SPTAN1: variants seen among roughly 807,000 people sequenced by gnomAD.
The protein encoded by SPTAN1 is spectrin alpha chain, non-erythrocytic 1.
A neutral mutation model predicts 331.3 loss-of-function variants in SPTAN1; 61 were observed. That is an observed-to-expected ratio of 0.18 (90% CI 0.15 to 0.23). The LOEUF (loss-of-function observed/expected upper bound fraction) is 0.23, where lower values mean the gene tolerates loss of function less well. Among genes scored for constraint, SPTAN1 ranks in the 10% least tolerant of loss-of-function variants. The pLI, the probability that SPTAN1 is intolerant of heterozygous loss-of-function variation, is 1.00. For synonymous variants in SPTAN1, 1,153 were observed against 1,173.9 expected (o/e 0.98, Z 0.36); for missense variants, 2,043 against 3,147.9 (o/e 0.65, Z 8.40).
intron 1 of SPTAN1, among the ~76,000 whole-genome samples, chr9:128,559,885 C>T (rs1436895839): frequency 6.6e-6 from 1 of 151,228 alleles, no homozygotes; most frequent in Non-Finnish European, 1.5e-5. Flanking sequence ...CAGGCGTGCG[C>T]CACTATGCTT....
chr9:128,568,066 C>A (rs1020099128), intron 2 of SPTAN1, among the ~76,000 whole-genome samples: 11 of 146,716 alleles, frequency 7.5e-5, no homozygotes, highest in African/African-American at 3.0e-4. Context: ...TCGGCCAAAA[C>A]TTTTTTTATA....
intron 13 of SPTAN1, 41 bp downstream of exon 13, chr9:128,582,597 T>C (rs760607569): frequency 2.5e-6 from 4 of 1,611,906 alleles, no homozygotes; most frequent in Admixed American, 1.7e-5. Flanking sequence ...TTTTGGTACA[T>C]GAATGTCTCT....
At chr9:128,613,232 G>C in intron 39 of SPTAN1, 149 bp from the exon 40 acceptor site, 1 of 715,362 alleles carries the variant, frequency 1.4e-6, no homozygotes, top group Non-Finnish European at 2.6e-6. Context: ...GCTGATTGGG[G>C]TGGCTAGGAA....
At chr9:128,594,891 C>T (rs567092577) in intron 24 of SPTAN1, among the ~76,000 whole-genome samples, 5 of 133,226 alleles carry the variant, frequency 3.8e-5, no homozygotes, top group East Asian at 2.3e-4. Flanking sequence ...TGCAATGGTG[C>T]GATCTCGGCT....
chr9:128,627,647 T>C lies in SPTAN1; in HGVS notation c.6689+149T>C. 1.1e-6 allele frequency: 1 copy of C among 877,762 alleles called. No individual in the cohort carries two copies. Among genetic ancestry groups the C allele is most frequent in the South Asian group, 1.4e-5 (1 of 69,160 alleles). The allele number at this position is 877,762 out of a possible 1,614,324, so 54.4% of individuals were successfully genotyped here. ...CTGGGCTGGCAACGCCTGGTCGGGCTCTGGAGCCGGGAGTGGGGGCATAGG... is the reference window on the plus strand; with the variant it reads ...CTGGGCTGGCAACGCCTGGTCGGGCCCTGGAGCCGGGAGTGGGGGCATAGG... On this transcript the variant is annotated intron_variant, in intron 50 of 56. Coordinates refer to ENST00000372739, the MANE Select transcript of SPTAN1 (RefSeq NM_001130438.3). The surrounding 1 kb of genome is among the most constrained non-coding windows in gnomAD (Gnocchi z 4.9).
Position 128,561,998 on chromosome 9 carries a change from A to T in SPTAN1, c.-3-4740A>T, listed in dbSNP as rs542891929. ...GGAGAACACAATAATTTCATGGCAG[A>T]ATGTGGCAGTGTTATAAGATGAATG... On this transcript the variant is annotated intron_variant, in intron 1 of 56. Coordinates refer to ENST00000372739, the MANE Select transcript of SPTAN1 (RefSeq NM_001130438.3). Among the ~76,000 whole-genome samples, 12 of 152,268 alleles carry T rather than the reference A, an allele frequency of 7.9e-5. No homozygotes were observed. In the South Asian group the frequency reaches 2.5e-3, roughly 32 times the overall value.
chr9:128,555,480 G>T (rs1320707377), intron 1 of SPTAN1: 2 of 1,145,282 alleles, frequency 1.7e-6, no homozygotes, highest in Non-Finnish European at 2.3e-6. Flanking sequence ...TGTCAAAGAG[G>T]TTGAATGATC....
At position 128,613,318 on chromosome 9, in the gene SPTAN1, A is replaced by G. The variant is rs531007000; in HGVS notation, c.5044-63A>G. On this transcript the variant is annotated intron_variant, in intron 39 of 56. Transcript: ENST00000372739. ...CTGGAATAGCCACTGGGCAACCTGA[A>G]TTTTCCAGAATGCTGAGTATACACC... 44 of 1,448,732 alleles carry G rather than the reference A, an allele frequency of 3.0e-5. No homozygotes were observed. The African/African-American group carries it at 5.0e-4, about 17-fold the overall frequency. The allele number at this position is 1,448,732 out of a possible 1,614,324, so 89.7% of individuals were successfully genotyped here.
At chr9:128,578,059 C>T (rs1305574106) in intron 8 of SPTAN1, 51 bp from the exon 9 acceptor site, 1 of 1,612,334 alleles carries the variant, frequency 6.2e-7, no homozygotes, top group South Asian at 1.1e-5. Context: ...GGCCATTTTC[C>T]ACCCTGGAAC....
At position 128,626,456 on chromosome 9, in the gene SPTAN1, A is replaced by G. The variant is rs1858761394; in HGVS notation, c.6345A>G (p.Ala2115=). Residue 2115 remains alanine, a synonymous_variant, in exon 49 of 57, where the codon GCA becomes GCG. Transcript: ENST00000372739. ...CCTTCAACAGCTGGTTTGAAAATGC[A>G]GAGGAGGACTTAACAGACCCCGTGC... is the stretch of plus-strand genomic sequence containing the variant. ...ASAFNSWFEN[A]EEDLTDPVRC... 2 of 1,614,206 alleles carry G rather than the reference A, an allele frequency of 1.2e-6. No individual in the cohort carries two copies. The highest frequency in any genetic ancestry group is 2.7e-5 in the African/African-American group (2 of 75,052).
Position 128,608,962 on chromosome 9 carries a change from A to G in SPTAN1, c.4580A>G (p.Asn1527Ser), listed in dbSNP as rs145038571. 843 of 1,614,182 alleles carry G rather than the reference A, an allele frequency of 5.2e-4. No homozygotes were observed. Among genetic ancestry groups the G allele is most frequent in the Non-Finnish European group, 6.5e-4 (767 of 1,180,022 alleles). The change falls in exon 35 of 57, where the codon AAT (asparagine) becomes AGT (serine). Residue 1527 changes from asparagine (N) to serine (S), a missense_variant. Asn to Ser is a conservative substitution (Grantham distance 46, BLOSUM62 1). Around this residue, in one of 12 missense-constraint regions of SPTAN1, gnomAD observed 40 missense variants for 32.6 expected, o/e 1.23. Transcript: ENST00000372739. ...AAGGGAGACATTTCTAGCCGGCGCA[A>G]TGAGGTCTTGGACAGGTGGGTGTCC... ...YAKGDISSRR[N>S]EVLDRWRRLK...
Position 128,625,050 on chromosome 9 carries a change from C to A in SPTAN1, c.5993-53C>A. ...GTCTGGGTTTTGATGTTTTTCCTTT[C>A]TAATCCATCTCCACTGAGGAGGGCA... On this transcript the variant is annotated intron_variant, in intron 46 of 56. Transcript: ENST00000372739. The surrounding 1 kb of genome is among the most constrained non-coding windows in gnomAD (Gnocchi z 4.1). 6.5e-7 allele frequency: 1 copy of A among 1,544,822 alleles called. No homozygotes were observed. The highest frequency in any genetic ancestry group is 9.0e-7 in the Non-Finnish European group (1 of 1,117,148).
At chr9:128,624,868 GGTA>G (rs1434590214) in intron 46 of SPTAN1, 2 of 612,342 alleles carry the variant, frequency 3.3e-6, no homozygotes, top group South Asian at 1.9e-5. Context: ...ACGTGTCCTG[GGTA>G]GTAGTAATAG....
intron 26 of SPTAN1, chr9:128,599,482 G>GTTTT: frequency 6.6e-6 from 1 of 151,070 alleles, no homozygotes; most frequent in Admixed American, 6.4e-5. Flanking sequence ...AAAAAAGTTG[G>GTTTT]TTTTTTTTTT....
At chr9:128,574,591 T>C in intron 3 of SPTAN1, 84 bp from the exon 4 acceptor site, 5 of 1,532,242 alleles carry the variant, frequency 3.3e-6, no homozygotes, top group Non-Finnish European at 4.5e-6. Flanking sequence ...CCATAAGGTC[T>C]CTAACTTGTC....
chr9:128,592,656 T>G (rs570341745), intron 22 of SPTAN1, among the ~76,000 whole-genome samples: 1 of 152,330 alleles, frequency 6.6e-6, no homozygotes, highest in African/African-American at 2.4e-5. Flanking sequence ...CTGTTAGCAC[T>G]CAGTAAAATT....
chr9:128,578,349 T>G, intron 9 of SPTAN1, 104 bp downstream of exon 9: 1 of 1,467,454 alleles, frequency 6.8e-7, no homozygotes, highest in Non-Finnish European at 9.4e-7. Context: ...TACCATGTTA[T>G]TCACAGGTGT....
chr9:128,615,215 T>G (rs2131736703), intron 40 of SPTAN1, among the ~76,000 whole-genome samples: 1 of 152,302 alleles, frequency 6.6e-6, no homozygotes, highest in East Asian at 1.9e-4. Flanking sequence ...TGAGCATAGT[T>G]TGTTCGGTGG....
chr9:128,607,834 C>A lies in SPTAN1; in HGVS notation c.4147-18C>A. 1 of 1,613,766 alleles carries A rather than the reference C, an allele frequency of 6.2e-7. No individual in the cohort carries two copies. Among genetic ancestry groups the A allele is most frequent in the South Asian group, 1.1e-5 (1 of 91,020 alleles). On this transcript the variant is annotated intron_variant, in intron 32 of 56. Transcript: ENST00000372739. Reference sequence around the variant, plus strand: ...GCATCTGCTGCCAGTTACCTAATCCCTTCCCTCCTTTTGGCAGGAACACCG... The same window carrying A: ...GCATCTGCTGCCAGTTACCTAATCCATTCCCTCCTTTTGGCAGGAACACCG...
Sources: allele counts gnomAD v4.1 joint callset (sites outside exome capture counted in the v4.1 genomes callset), GRCh38; gene constraint gnomAD v4.1.1; regional missense constraint gnomAD v4.1.1; non-coding constraint Gnocchi (gnomAD v3.1); transcripts MANE v1.5; gene names NCBI Gene and HGNC (gene_info 2026-07-23, HGNC 2026-07-21).